The following SNTG2 variants were observed in gnomAD, a reference collection of about 807,000 sequenced individuals.
SNTG2 encodes the protein gamma-2-syntrophin.
SNTG2 carries 74 observed loss-of-function variants against 70.9 expected under a neutral mutation model. That is an observed-to-expected ratio of 1.04 (90% CI 0.86 to 1.27). The LOEUF (loss-of-function observed/expected upper bound fraction) is 1.27. Among genes scored for constraint, SNTG2 ranks in the 50% most tolerant of loss-of-function variants. The pLI is 0.00. For missense variants in SNTG2, 717 were observed against 690.7 expected, an observed-to-expected ratio of 1.04 and a Z score of -0.43; for synonymous variants, 278 against 273.8, an observed-to-expected ratio of 1.02 and a Z score of -0.15.
chr2:1,214,590 T>C (rs963161464), intron 9 of SNTG2, among the ~76,000 whole-genome samples: 2 of 152,186 alleles, frequency 1.3e-5, no homozygotes, highest in Non-Finnish European at 1.5e-5. Context: ...AGTGTTGTTT[T>C]GTATCCTGCA....
chr2:1,071,054 G>A (rs1663504693), intron 1 of SNTG2, among the ~76,000 whole-genome samples: 1 of 152,208 alleles, frequency 6.6e-6, no homozygotes, highest in Admixed American at 6.5e-5. Flanking sequence ...TGGGACTGGT[G>A]CAGAGGACAC....
At chr2:1,307,469 G>A in intron 14 of SNTG2, among the ~76,000 whole-genome samples, 1 of 151,768 alleles carries the variant, frequency 6.6e-6, no homozygotes, top group East Asian at 1.9e-4. Context: ...ATGCGAGAGA[G>A]AGAAGAGAGA....
intron 2 of SNTG2, 103 bp downstream of exon 2, chr2:1,083,758 T>A: frequency 7.9e-7 from 1 of 1,267,756 alleles, no homozygotes; most frequent in Non-Finnish European, 1.1e-6. Context: ...CAAAAGCTGC[T>A]ACTCGTTATT....
At chr2:1,054,113 G>A (rs1662238747) in intron 1 of SNTG2, among the ~76,000 whole-genome samples, 3 of 152,154 alleles carry the variant, frequency 2.0e-5, no homozygotes. Flanking sequence ...TGTCTGCTGG[G>A]GCACTGCGGA....
chr2:951,255 C>T (rs1285216530), intron 1 of SNTG2, among the ~76,000 whole-genome samples, 187 bp downstream of exon 1: 1 of 152,216 alleles, frequency 6.6e-6, no homozygotes, highest in Non-Finnish European at 1.5e-5. Flanking sequence ...GCCCCCTGGC[C>T]GCTCTGCTCC....
At chr2:971,116 G>A (rs1469515225) in intron 1 of SNTG2, among the ~76,000 whole-genome samples, 2 of 152,106 alleles carry the variant, frequency 1.3e-5, no homozygotes, top group African/African-American at 4.8e-5. Context: ...CCTTTTTTTG[G>A]TTATGTCTGT....
chr2:1,346,373 A>T (rs1380374643), intron 16 of SNTG2: 1 of 152,224 alleles, frequency 6.6e-6, no homozygotes, highest in African/African-American at 2.4e-5. Context: ...GGGCAGGCTC[A>T]CCCTGACCAC....
chr2:963,388 T>C (rs1325012238), intron 1 of SNTG2, among the ~76,000 whole-genome samples: 1 of 152,200 alleles, frequency 6.6e-6, no homozygotes, highest in Non-Finnish European at 1.5e-5. Context: ...ATCATATTTA[T>C]ATGATATACA....
At chr2:1,321,145 C>T (rs1681502350) in intron 16 of SNTG2, among the ~76,000 whole-genome samples, 1 of 152,156 alleles carries the variant, frequency 6.6e-6, no homozygotes, top group South Asian at 2.1e-4. Flanking sequence ...TACCTTAATG[C>T]TCACTGGAGT....
At chr2:1,191,654 G>T (rs1196111271) in intron 8 of SNTG2, among the ~76,000 whole-genome samples, 2 of 152,126 alleles carry the variant, frequency 1.3e-5, no homozygotes, top group African/African-American at 2.4e-5. Flanking sequence ...AATTAGCCAG[G>T]TGTGGTGGCG....
At chr2:1,291,799 A>C (rs1680004591) in intron 14 of SNTG2, among the ~76,000 whole-genome samples, 1 of 152,124 alleles carries the variant, frequency 6.6e-6, no homozygotes, top group Non-Finnish European at 1.5e-5. Flanking sequence ...CTTGTTTTTA[A>C]GATTGTTTTG....
chr2:1,367,352 T>G lies in SNTG2; in HGVS notation c.1498T>G (p.Phe500Val), dbSNP rs570880927. 6.5e-7 allele frequency: 1 copy of G among 1,536,654 alleles called. No homozygotes were observed. The highest frequency in any genetic ancestry group is 1.4e-5 in the African/African-American group (1 of 72,396). ...TGATTTTCTCCTCCAGGAACTCGAG[T>G]TCCAGGACCTGAGGGCTGTCCTGCA... The part of the protein sequence containing the change: ...TKQIETKELE[F>V]QDLRAVLHCI... The change falls in exon 17 of 17, where the codon TTC becomes GTC. Residue 500 changes from phenylalanine (F) to valine (V), a missense_variant. Phe to Val is a conservative substitution (Grantham distance 50, BLOSUM62 -1). Coordinates refer to ENST00000308624, the MANE Select transcript of SNTG2 (RefSeq NM_018968.4).
rs1319076663 is a variant in SNTG2 at position 1,209,156 on chromosome 2, C to G, written c.645C>G (p.Arg215=). The part of the protein sequence containing the change: ...PIAKDPRYEK[R]WLDTLSVPLS... ...CTAAGGACCCGAGGTATGAGAAGCG[C>G]TGGCTGGACACCTTGTCCGTGCCTC... The change falls in exon 9 of 17, where the codon CGC becomes CGG. Residue 215 remains arginine (R), a synonymous_variant. Transcript: ENST00000308624. The G allele has an allele frequency of 6.2e-7, 1 of 1,613,892 alleles. No individual in the cohort carries two copies. Among genetic ancestry groups the G allele is most frequent in the Non-Finnish European group, 8.5e-7 (1 of 1,179,912 alleles).
intron 16 of SNTG2, among the ~76,000 whole-genome samples, chr2:1,339,940 C>T (rs866293713): frequency 2.0e-5 from 3 of 152,162 alleles, no homozygotes; most frequent in Non-Finnish European, 4.4e-5. Context: ...CTTAAGGCCT[C>T]GCACCGTCCG....
rs113822561 is a variant in SNTG2 at position 976,917 on chromosome 2, C to A, written c.72+25849C>A. On this transcript the variant is annotated intron_variant, in intron 1 of 16. Coordinates refer to ENST00000308624, the MANE Select transcript of SNTG2 (RefSeq NM_018968.4). ...TCTCCAGAGGCAGCCTCAGCCAAGGCGAGTGGAGGCCATGGGGAGCACCAG... is the reference window on the plus strand; with the variant it reads ...TCTCCAGAGGCAGCCTCAGCCAAGGAGAGTGGAGGCCATGGGGAGCACCAG... 1.1e-3 allele frequency among the ~76,000 whole-genome samples: 160 copies of A among 152,346 alleles called. 1 individual carries two copies. Among genetic ancestry groups the A allele is most frequent in the African/African-American group, 3.6e-3 (150 of 41,578 alleles).
chr2:1,355,266 C>T (rs1573022154), intron 16 of SNTG2, among the ~76,000 whole-genome samples: 1 of 152,188 alleles, frequency 6.6e-6, no homozygotes, highest in South Asian at 2.1e-4. Flanking sequence ...GCCGTGTTAA[C>T]GACATCCACG....
chr2:1,185,388 G>A (rs1444165794), intron 8 of SNTG2, among the ~76,000 whole-genome samples: 1 of 152,190 alleles, frequency 6.6e-6, no homozygotes, highest in Non-Finnish European at 1.5e-5. Context: ...CAGCATCCCA[G>A]TAGAGACTCT....
chr2:1,316,309 A>G lies in SNTG2; in HGVS notation c.1422A>G (p.Ser474=). The part of the protein sequence containing the change: ...RFKFSQLKGS[S]DDGKTRVKLL... Reference sequence around the variant, plus strand: ...AATTTTCCCAGCTTAAGGGATCTTCAGATGATGGGAAAACTCGAGTAAAGC... The same window carrying G: ...AATTTTCCCAGCTTAAGGGATCTTCGGATGATGGGAAAACTCGAGTAAAGC... Residue 474 remains serine (S), a synonymous_variant, in exon 16 of 17, where the codon TCA becomes TCG. Coordinates refer to ENST00000308624, the MANE Select transcript of SNTG2 (RefSeq NM_018968.4). 6.4e-7 allele frequency: 1 copy of G among 1,550,532 alleles called. No homozygotes were observed. Among genetic ancestry groups the G allele is most frequent in the Non-Finnish European group, 8.7e-7 (1 of 1,146,066 alleles).
At chr2:1,200,658 C>T (rs28846805) in intron 8 of SNTG2, among the ~76,000 whole-genome samples, 2 of 151,882 alleles carry the variant, frequency 1.3e-5, no homozygotes, top group Non-Finnish European at 2.9e-5. Context: ...ATACAAGGGA[C>T]TCAACAGCAA....
Sources: gnomAD v4.1 joint callset for allele counts (sites outside exome capture counted in the v4.1 genomes callset) on GRCh38, gnomAD v4.1.1 for gene constraint, MANE v1.5 for transcripts, NCBI Gene and HGNC (gene_info 2026-07-23, HGNC 2026-07-21) for gene names.